Variants in ATXN1 observed in about 807,000 individuals in gnomAD.
The protein encoded by ATXN1 is ataxin 1, also known as ataxin-1.
Under a neutral mutation model 56.4 loss-of-function variants are expected in ATXN1, and 8 were observed. The ratio of observed to expected loss-of-function variants is 0.14; its 90% CI spans 0.08 to 0.26. ATXN1 has a LOEUF of 0.26. Among genes scored for constraint, ATXN1 ranks in the 10% least tolerant of loss-of-function variants. ATXN1 has a pLI of 1.00. For synonymous variants in ATXN1, 514 were observed against 494.6 expected (o/e 1.04, Z -0.52); for missense variants, 987 against 1,106.5 (o/e 0.89, Z 1.53).
intron 2 of ATXN1, among the ~76,000 whole-genome samples, chr6:16,689,492 T>C (rs543369774): frequency 8.0e-4 from 119 of 148,686 alleles, no homozygotes; most frequent in Middle Eastern, 3.4e-3. Flanking sequence ...TTTTCTTTTT[T>C]TTCCTTCCTT....
intron 3 of ATXN1, among the ~76,000 whole-genome samples, chr6:16,621,780 T>C (rs1763325304): frequency 1.3e-5 from 2 of 152,100 alleles, no homozygotes; most frequent in African/African-American, 2.4e-5. Flanking sequence ...AGATGCTCTA[T>C]GCAAAAATAA....
intron 6 of ATXN1, among the ~76,000 whole-genome samples, chr6:16,421,386 T>C (rs889090061): frequency 3.9e-5 from 6 of 152,212 alleles, no homozygotes; most frequent in African/African-American, 7.2e-5. Context: ...ACAGTTACAT[T>C]TGTCCCCTCC....
chr6:16,490,761 A>G (rs945118297), intron 5 of ATXN1, among the ~76,000 whole-genome samples: 1 of 152,186 alleles, frequency 6.6e-6, no homozygotes, highest in Non-Finnish European at 1.5e-5. Context: ...GGCCTGGAAG[A>G]TGGACATATG....
At chr6:16,358,390 A>G (rs953040317) in intron 6 of ATXN1, among the ~76,000 whole-genome samples, 4 of 152,268 alleles carry the variant, frequency 2.6e-5, no homozygotes, top group African/African-American at 9.6e-5. Context: ...AATTGCAGAA[A>G]TATGGAACCA....
chr6:16,366,896 T>C (rs1761932608), intron 6 of ATXN1, among the ~76,000 whole-genome samples: 1 of 152,108 alleles, frequency 6.6e-6, no homozygotes. Context: ...AAAGTCCTGG[T>C]TTTAATGAGC....
At chr6:16,699,120 T>C (rs1022816206) in intron 2 of ATXN1, among the ~76,000 whole-genome samples, 1 of 152,226 alleles carries the variant, frequency 6.6e-6, no homozygotes, top group Non-Finnish European at 1.5e-5. Context: ...AGTTCATCTG[T>C]ATGTGCCAGC....
Position 16,327,839 on chromosome 6 carries a change from C to T in ATXN1, c.472G>A (p.Ala158Thr). ...GTGGCCCCTGCGGCCGAGGCCACTG[C>T]ACTGGTGACGGGGTTGGCGGTTGGG... is the stretch of plus-strand genomic sequence containing the variant. ...IPPTANPVTS[A>T]VASAAGATTP... Residue 158 changes from alanine to threonine, a missense_variant, in exon 7 of 8, where the codon GCA becomes ACA. By Grantham distance (58) the Ala-to-Thr change is moderately conservative. This residue lies in a region of ATXN1 where 723 missense variants were observed against 791.7 expected (regional missense o/e 0.91). Coordinates refer to ENST00000436367, the MANE Select transcript of ATXN1 (RefSeq NM_001128164.2). The T allele has an allele frequency of 1.2e-6, 2 of 1,608,386 alleles. No homozygotes were observed. Among genetic ancestry groups the T allele is most frequent in the Non-Finnish European group, 1.7e-6 (2 of 1,179,896 alleles).
At chr6:16,477,149 G>A (rs939180404) in intron 6 of ATXN1, among the ~76,000 whole-genome samples, 3 of 152,212 alleles carry the variant, frequency 2.0e-5, no homozygotes, top group East Asian at 1.9e-4. Flanking sequence ...CTCTTTCTTC[G>A]TGAAAAATGT....
intron 4 of ATXN1, among the ~76,000 whole-genome samples, chr6:16,578,744 GAA>G (rs11390101): frequency 0.051 from 7,294 of 141,818 alleles, 258 homozygotes; most frequent in East Asian, 0.1. Flanking sequence ...AGGAAAAAGA[GAA>G]AAAAAAAAAA....
intron 4 of ATXN1, among the ~76,000 whole-genome samples, chr6:16,542,685 G>A (rs982237630): frequency 6.6e-6 from 1 of 152,132 alleles, no homozygotes; most frequent in Non-Finnish European, 1.5e-5. Flanking sequence ...AAAGACAGTT[G>A]TCCTCCCATC....
chr6:16,428,064 G>A (rs1000462310), intron 6 of ATXN1, among the ~76,000 whole-genome samples: 2 of 151,204 alleles, frequency 1.3e-5, no homozygotes, highest in African/African-American at 4.9e-5. Flanking sequence ...TGTAAAATAT[G>A]GTTGCAAGGC....
At position 16,326,411 on chromosome 6, in the gene ATXN1, C is replaced by T. The variant is rs1320117329; in HGVS notation, c.1900G>A (p.Gly634Arg). 4 of 1,613,618 alleles carry T rather than the reference C, an allele frequency of 2.5e-6. No homozygotes were observed. Among genetic ancestry groups the T allele is most frequent in the Admixed American group, 1.7e-5 (1 of 59,996 alleles). ...PGVAVIQFAV[G>R]EHRAQVSVEV... ...AACGTTACCTGGGCTCGGTGCTCCC[C>T]GACGGCGAACTGTATCACGGCCACG... The change falls in exon 7 of 8, where the codon GGG (glycine) becomes AGG (arginine). Residue 634 changes from glycine to arginine, a missense_variant. Physicochemically the swap from Gly to Arg is moderately radical, Grantham distance 125. Coordinates refer to ENST00000436367, the MANE Select transcript of ATXN1 (RefSeq NM_001128164.2). This position sits in a 1 kb window ranked among gnomAD's most constrained non-coding sequence, Gnocchi z 6.6.
chr6:16,583,725 C>T (rs775832423), intron 4 of ATXN1, among the ~76,000 whole-genome samples: 1 of 152,162 alleles, frequency 6.6e-6, no homozygotes, highest in Non-Finnish European at 1.5e-5. Context: ...GGTTTCAAAG[C>T]TCTGTGAAAA....
intron 6 of ATXN1, among the ~76,000 whole-genome samples, chr6:16,360,028 A>G (rs1372604950): frequency 1.3e-5 from 2 of 152,212 alleles, no homozygotes; most frequent in Admixed American, 6.5e-5. Context: ...GAACTTATTC[A>G]TGTAACCAAA....
Position 16,553,058 on chromosome 6 carries a change from C to T in ATXN1, c.-360-30370G>A, listed in dbSNP as rs531345768. 7.2e-5 allele frequency among the ~76,000 whole-genome samples: 11 copies of T among 152,338 alleles called. No individual in the cohort carries two copies. The East Asian group carries it at 1.5e-3, about 21-fold the overall frequency. On this transcript the variant is annotated intron_variant, in intron 4 of 7. Transcript: ENST00000436367. ...GGAGGTGTTGTTCAAATTCCGCTTT[C>T]GTTCAGGCTATGCGCCTCTAGGAGG...
At chr6:16,445,466 C>T (rs1272386254) in intron 6 of ATXN1, among the ~76,000 whole-genome samples, 2 of 151,646 alleles carry the variant, frequency 1.3e-5, no homozygotes, top group Non-Finnish European at 2.9e-5. Flanking sequence ...GGGGCAAAAG[C>T]GTTCATTTAC....
chr6:16,341,579 C>A (rs976684665), intron 6 of ATXN1, among the ~76,000 whole-genome samples: 1 of 137,030 alleles, frequency 7.3e-6, no homozygotes, highest in Admixed American at 8.1e-5. Context: ...AATGCAGTGG[C>A]GTGATCTCGG....
intron 5 of ATXN1, among the ~76,000 whole-genome samples, chr6:16,500,735 T>C (rs1336339107): frequency 1.7e-5 from 2 of 121,174 alleles, no homozygotes; most frequent in African/African-American, 3.3e-5. Context: ...ATCTTCATTA[T>C]GATAAAAAAA....
At chr6:16,528,246 A>C in intron 4 of ATXN1, among the ~76,000 whole-genome samples, 1 of 151,756 alleles carries the variant, frequency 6.6e-6, no homozygotes, top group East Asian at 1.9e-4. Context: ...GGTTGCAGAT[A>C]GCTGAGATCG....
Sources: gnomAD v4.1 joint callset for allele counts (sites outside exome capture counted in the v4.1 genomes callset) on GRCh38, gnomAD v4.1.1 for gene constraint, gnomAD v4.1.1 regional missense constraint, Gnocchi (gnomAD v3.1) non-coding constraint, MANE v1.5 for transcripts, NCBI Gene and HGNC (gene_info 2026-07-23, HGNC 2026-07-21) for gene names.